Variants in CADM2 observed in about 807,000 individuals in gnomAD.
CADM2 encodes the protein cell adhesion molecule 2.
CADM2 carries 12 observed loss-of-function variants against 49.8 expected under a neutral mutation model. That is an observed-to-expected ratio of 0.24 (90% CI 0.15 to 0.39). The LOEUF is 0.39. CADM2 is among the 10% of genes least tolerant of loss of function. The pLI is 1.00. For synonymous variants in CADM2, 214 were observed against 175.4 expected, an observed-to-expected ratio of 1.22 and a Z score of -1.74; for missense variants, 378 against 492.3, an observed-to-expected ratio of 0.77 and a Z score of 2.20.
chr3:85,078,957 A>AT (rs2037056304), intron 1 of CADM2, among the ~76,000 whole-genome samples: 1 of 151,750 alleles, frequency 6.6e-6, no homozygotes, highest in Non-Finnish European at 1.5e-5. Context: ...TAACTACCTT[A>AT]TAAAAAAAAG....
chr3:85,152,846 T>A (rs2039971186), intron 1 of CADM2, among the ~76,000 whole-genome samples: 1 of 151,628 alleles, frequency 6.6e-6, no homozygotes, highest in South Asian at 2.1e-4. Flanking sequence ...GTGCTTGTAG[T>A]GCCAGCTACT....
At chr3:85,556,849 T>TCA (rs2061972755) in intron 1 of CADM2, among the ~76,000 whole-genome samples, 1 of 152,122 alleles carries the variant, frequency 6.6e-6, no homozygotes, top group African/African-American at 2.4e-5. Flanking sequence ...AGAAAATAAT[T>TCA]CACAGTGTCA....
chr3:85,136,135 G>C (rs751474414), intron 1 of CADM2, among the ~76,000 whole-genome samples: 7 of 151,908 alleles, frequency 4.6e-5, no homozygotes, highest in African/African-American at 1.7e-4. Context: ...ACACTATTTC[G>C]ATTTCCCTCA....
At chr3:85,835,744 A>T (rs1255625561) in intron 3 of CADM2, among the ~76,000 whole-genome samples, 1 of 136,740 alleles carries the variant, frequency 7.3e-6, no homozygotes, top group African/African-American at 2.7e-5. Context: ...ATCTTGCTAT[A>T]TGTATATAAT....
intron 1 of CADM2, among the ~76,000 whole-genome samples, chr3:85,197,445 G>A (rs1337983832): frequency 1.3e-5 from 2 of 152,024 alleles, no homozygotes; most frequent in Non-Finnish European, 2.9e-5. Flanking sequence ...AAGGTAATAA[G>A]AGTAAGCAAG....
intron 1 of CADM2, among the ~76,000 whole-genome samples, chr3:84,979,516 G>A (rs1355291286): frequency 6.6e-6 from 1 of 151,908 alleles, no homozygotes; most frequent in Non-Finnish European, 1.5e-5. Flanking sequence ...AACTAGAAGA[G>A]GTATCTTTGA....
intron 1 of CADM2, among the ~76,000 whole-genome samples, chr3:85,499,442 C>G (rs528212157): frequency 2.0e-5 from 3 of 151,984 alleles, no homozygotes; most frequent in Admixed American, 2.0e-4. Context: ...CTCTGACATT[C>G]TCATTGGCAA....
intron 1 of CADM2, among the ~76,000 whole-genome samples, chr3:84,984,776 T>A (rs1033903400): frequency 3.3e-5 from 5 of 152,170 alleles, no homozygotes; most frequent in Admixed American, 3.3e-4. Context: ...CTCTAAGGGT[T>A]CTATTTCCAT....
At chr3:85,461,153 A>G (rs6549026) in intron 1 of CADM2, among the ~76,000 whole-genome samples, 151,826 of 152,172 alleles carry the variant, frequency 1, 75,741 homozygotes, top group Middle Eastern at 1. Context: ...AGGATCATTC[A>G]CTCATGTTTT....
intron 1 of CADM2, among the ~76,000 whole-genome samples, chr3:85,237,072 A>G (rs774552552): frequency 6.6e-6 from 1 of 152,080 alleles, no homozygotes; most frequent in Non-Finnish European, 1.5e-5. Flanking sequence ...AATATAAGGC[A>G]ATTGAGGCTT....
At chr3:85,753,783 G>A (rs73845638) in intron 2 of CADM2, among the ~76,000 whole-genome samples, 3 of 152,180 alleles carry the variant, frequency 2.0e-5, no homozygotes, top group South Asian at 4.2e-4. Context: ...ACTCGTATGC[G>A]TCTGCAGCAA....
At chr3:85,249,363 T>C (rs371878508) in intron 1 of CADM2, among the ~76,000 whole-genome samples, 14 of 152,194 alleles carry the variant, frequency 9.2e-5, no homozygotes, top group African/African-American at 2.9e-4. Flanking sequence ...AACCAGACTA[T>C]TCTTTTCTCT....
At chr3:85,297,521 G>A (rs563701810) in intron 1 of CADM2, among the ~76,000 whole-genome samples, 16 of 152,156 alleles carry the variant, frequency 1.1e-4, no homozygotes, top group African/African-American at 3.9e-4. Flanking sequence ...AAGGATTCAG[G>A]AAGAACTGGA....
intron 1 of CADM2, among the ~76,000 whole-genome samples, chr3:85,290,798 C>T (rs1469352087): frequency 6.6e-6 from 1 of 152,172 alleles, no homozygotes; most frequent in Non-Finnish European, 1.5e-5. Context: ...ACATCACCAT[C>T]ATCAAAGACC....
chr3:85,085,807 A>G (rs559336015), intron 1 of CADM2, among the ~76,000 whole-genome samples: 2 of 152,242 alleles, frequency 1.3e-5, no homozygotes, highest in Middle Eastern at 3.4e-3. Flanking sequence ...TTAATTCCGC[A>G]AACTATATCA....
chr3:85,764,860 C>T (rs986136670), intron 2 of CADM2, among the ~76,000 whole-genome samples: 1 of 151,944 alleles, frequency 6.6e-6, no homozygotes, highest in African/African-American at 2.4e-5. Flanking sequence ...TATAATCATC[C>T]TATTTATAAA....
At chr3:85,546,901 A>T (rs1411106912) in intron 1 of CADM2, among the ~76,000 whole-genome samples, 1 of 152,134 alleles carries the variant, frequency 6.6e-6, no homozygotes, top group Non-Finnish European at 1.5e-5. Flanking sequence ...AAAATCTGTC[A>T]AACACCATCT....
intron 8 of CADM2, among the ~76,000 whole-genome samples, chr3:86,038,131 A>T (rs1043715400): frequency 6.6e-6 from 1 of 152,172 alleles, no homozygotes; most frequent in Admixed American, 6.6e-5. Flanking sequence ...GATAGTTTCC[A>T]GCTTGCTTTC....
At position 85,719,858 on chromosome 3, in the gene CADM2, A is replaced by G. The variant is rs1401722086; in HGVS notation, c.62-6664A>G. ...TCAAAAATTTCAAACACATACAAAA[A>G]CAGGAAGAAAATATACTAAACATTG... is the stretch of plus-strand genomic sequence containing the variant. On this transcript the variant is annotated intron_variant, in intron 1 of 9. Coordinates refer to ENST00000383699, the MANE Select transcript of CADM2 (RefSeq NM_001167675.2). 4.6e-5 allele frequency among the ~76,000 whole-genome samples: 7 copies of G among 152,272 alleles called. No homozygotes were observed. In the East Asian group the frequency reaches 1.2e-3, roughly 25 times the overall value.
Sources: allele counts gnomAD v4.1 joint callset (sites outside exome capture counted in the v4.1 genomes callset), GRCh38; gene constraint gnomAD v4.1.1; transcripts MANE v1.5; gene names NCBI Gene and HGNC (gene_info 2026-07-23, HGNC 2026-07-21).